The following DYNC1H1 variants were observed in gnomAD, a reference collection of about 807,000 sequenced individuals.
DYNC1H1 encodes cytoplasmic dynein 1 heavy chain 1.
Under a neutral mutation model 527.1 loss-of-function variants are expected in DYNC1H1, and 51 were observed. The observed-to-expected ratio is 0.10, with a 90% CI of 0.08 to 0.12. DYNC1H1 has a LOEUF of 0.12. Ranked by LOEUF, DYNC1H1 falls within the 10% of genes least tolerant of loss-of-function variation. The probability of loss-of-function intolerance (pLI) is 1.00; values close to 1 mark genes in which losing one functional copy is unlikely to be tolerated. For synonymous variants in DYNC1H1, 2,189 were observed against 2,278.8 expected (o/e 0.96, Z 1.12); for missense variants, 2,771 against 5,971.8 (o/e 0.46, Z 17.66).
At chr14:102,031,533 AT>A (rs1433503061) in intron 51 of DYNC1H1, among the ~76,000 whole-genome samples, 3 of 152,212 alleles carry the variant, frequency 2.0e-5, no homozygotes, top group Non-Finnish European at 4.4e-5. Flanking sequence ...CCTGGCAGCC[AT>A]TGTTTTAGAA....
chr14:101,983,513 C>G lies in DYNC1H1; in HGVS notation c.1365C>G (p.Ala455=). ...AGATGGTGTGGCGTATCAACCCTGC[C>G]CACAGGAAGCTGCAGGCCCGCCTTG... ...NLKMVWRINP[A]HRKLQARLDQ... The change falls in exon 7 of 78, where the codon GCC becomes GCG. Residue 455 remains alanine, a synonymous_variant. Coordinates refer to ENST00000360184, the MANE Select transcript of DYNC1H1 (RefSeq NM_001376.5). This position sits in a 1 kb window ranked among gnomAD's most constrained non-coding sequence, Gnocchi z 5.3. The G allele has an allele frequency of 6.2e-7, 1 of 1,614,106 alleles. No individual in the cohort carries two copies. The highest frequency in any genetic ancestry group is 8.5e-7 in the Non-Finnish European group (1 of 1,180,030).
rs2047963434 is a variant in DYNC1H1, at chr14:101,988,695, G to T, written c.2719-8G>T. On this transcript the variant is annotated splice_region_variant and splice_polypyrimidine_tract_variant and intron_variant, in intron 9 of 77. Transcript: ENST00000360184. ...AAACACTGTTCTCTGATATAACGTT[G>T]TCTGTAGATTGAAAGAATATTGGGC... is the stretch of plus-strand genomic sequence containing the variant. 1.2e-6 allele frequency: 2 copies of T among 1,613,990 alleles called. No homozygotes were observed. The highest frequency in any genetic ancestry group is 1.7e-6 in the Non-Finnish European group (2 of 1,180,018).
chr14:102,010,840 A>C lies in DYNC1H1; in HGVS notation c.6506A>C (p.Gln2169Pro), dbSNP rs780851039. ...SLLSDVFPGVQYHRGEMTALR... is the reference protein window; with the variant it reads ...SLLSDVFPGVPYHRGEMTALR... Reference sequence around the variant, plus strand: ...CTGTCGGACGTGTTCCCTGGAGTCCAGTATCACAGGGGTGAGATGACTGCC... The same window carrying C: ...CTGTCGGACGTGTTCCCTGGAGTCCCGTATCACAGGGGTGAGATGACTGCC... The change falls in exon 32 of 78, where the codon CAG becomes CCG. Residue 2169 changes from glutamine (Q) to proline (P), a missense_variant. Around this residue, in one of 32 missense-constraint regions of DYNC1H1, gnomAD observed 56 missense variants for 140.6 expected, o/e 0.40. Coordinates refer to ENST00000360184, the MANE Select transcript of DYNC1H1 (RefSeq NM_001376.5). The surrounding 1 kb of genome is among the most constrained non-coding windows in gnomAD (Gnocchi z 6.0). 19 of 1,614,260 alleles carry C rather than the reference A, an allele frequency of 1.2e-5. No homozygotes were observed. Among genetic ancestry groups the C allele is most frequent in the South Asian group, 2.2e-5 (2 of 91,088 alleles).
At chr14:102,030,452 T>G (rs112326947) in intron 51 of DYNC1H1, 170 bp downstream of exon 51, 1 of 978,870 alleles carries the variant, frequency 1.0e-6, no homozygotes, top group African/African-American at 1.6e-5. Flanking sequence ...GAGATTGTCT[T>G]CATCTCTCAA....
rs17541006 is a variant in DYNC1H1 at position 102,002,460 on chromosome 14, C to A, written c.4543-77C>A. The A allele has an allele frequency of 1.9e-6, 3 of 1,578,380 alleles. No individual in the cohort carries two copies. In the African/African-American group the frequency reaches 4.0e-5, roughly 21 times the overall value. On this transcript the variant is annotated intron_variant, in intron 21 of 77. Coordinates refer to ENST00000360184, the MANE Select transcript of DYNC1H1 (RefSeq NM_001376.5). This position sits in a 1 kb window ranked among gnomAD's most constrained non-coding sequence, Gnocchi z 4.4. ...GATTACTTCATGAGATCCTGATCTGCGCTTTTTCAGTGAGTTTTGGCATAT... is the reference window on the plus strand; with the variant it reads ...GATTACTTCATGAGATCCTGATCTGAGCTTTTTCAGTGAGTTTTGGCATAT...
At chr14:101,982,640 C>T (rs538563864) in intron 5 of DYNC1H1, among the ~76,000 whole-genome samples, 1 of 151,932 alleles carries the variant, frequency 6.6e-6, no homozygotes, top group South Asian at 2.1e-4. Context: ...GTAATGTGCT[C>T]GAATCACCTA....
chr14:102,025,520 C>T (rs2048438784), intron 43 of DYNC1H1, among the ~76,000 whole-genome samples: 1 of 147,580 alleles, frequency 6.8e-6, no homozygotes, highest in Non-Finnish European at 1.5e-5. Context: ...TGAGATCAGG[C>T]CACTGCACTC....
rs1254176647 is a variant in DYNC1H1 at position 102,016,319 on chromosome 14, A to T, written c.7474-30A>T. On this transcript the variant is annotated intron_variant, in intron 36 of 77. Transcript: ENST00000360184. The surrounding 1 kb of genome is among the most constrained non-coding windows in gnomAD (Gnocchi z 7.3). The stretch of plus-strand genomic sequence containing the variant: ...TTTCTTTTGTTGTTGAAATTTTATA[A>T]AAATCAAAGTTTAATTCCCTTTTTA... 1 of 1,613,754 alleles carries T rather than the reference A, an allele frequency of 6.2e-7. No individual in the cohort carries two copies. The highest frequency in any genetic ancestry group is 8.5e-7 in the Non-Finnish European group (1 of 1,179,884).
Position 102,018,599 on chromosome 14 carries a change from T to A in DYNC1H1, c.8326T>A (p.Phe2776Ile), listed in dbSNP as rs748320904. ...GCCGCTCACTGCTGCCATGGTGGAG[T>A]TCTACACCATGTCTCAGGTACGCAG... ...AEPLTAAMVE[F>I]YTMSQERFTQ... The change falls in exon 41 of 78, where the codon TTC becomes ATC. Residue 2776 changes from phenylalanine to isoleucine, a missense_variant. Physicochemically the swap from Phe to Ile is conservative, Grantham distance 21 (BLOSUM62 0). This residue lies in a region of DYNC1H1 where 163 missense variants were observed against 346.9 expected (regional missense o/e 0.47). Coordinates refer to ENST00000360184, the MANE Select transcript of DYNC1H1 (RefSeq NM_001376.5). The surrounding 1 kb of genome is among the most constrained non-coding windows in gnomAD (Gnocchi z 5.2). 8 of 1,610,838 alleles carry A rather than the reference T, an allele frequency of 5.0e-6. No homozygotes were observed. Among genetic ancestry groups the A allele is most frequent in the Non-Finnish European group, 6.8e-6 (8 of 1,178,790 alleles).
rs374578144 is a variant in DYNC1H1, at chr14:102,048,527, C to T, written c.13230C>T (p.Phe4410=). 29 of 1,614,180 alleles carry T rather than the reference C, an allele frequency of 1.8e-5. No individual in the cohort carries two copies. The African/African-American group carries it at 2.9e-4, about 16-fold the overall frequency. The change falls in exon 74 of 78, where the codon TTC becomes TTT. Residue 4410 remains phenylalanine (F), a synonymous_variant. Transcript: ENST00000360184. ...RTVENIKDPL[F]RFFEREVKMG... is the part of the protein sequence containing the mutation. ...TTGAACGATTTTAGGATCCTTTGTT[C>T]AGGTTCTTTGAGAGAGAAGTGAAGA...
Position 102,020,649 on chromosome 14 carries a change from T to G in DYNC1H1, c.8507+593T>G, listed in dbSNP as rs1272414991. Among the ~76,000 whole-genome samples the G allele has an allele frequency of 6.6e-6, 1 of 152,228 alleles. No individual in the cohort carries two copies. Among genetic ancestry groups the G allele is most frequent in the African/African-American group, 2.4e-5 (1 of 41,462 alleles). ...CTTGTAAGTTTTGAGTTTTTCTAGT[T>G]AAGTGACCAATACTTAAGGGAAAAA... On this transcript the variant is annotated intron_variant, in intron 42 of 77. Coordinates refer to ENST00000360184, the MANE Select transcript of DYNC1H1 (RefSeq NM_001376.5). The surrounding 1 kb of genome is among the most constrained non-coding windows in gnomAD (Gnocchi z 4.3).
chr14:102,040,371 C>T lies in DYNC1H1; in HGVS notation c.11826C>T (p.Pro3942=), dbSNP rs372407438. 21 of 1,614,072 alleles carry T rather than the reference C, an allele frequency of 1.3e-5. No individual in the cohort carries two copies. The highest frequency in any genetic ancestry group is 9.3e-5 in the African/African-American group (7 of 74,920). The change falls in exon 63 of 78, where the codon CCC becomes CCT. Residue 3942 remains proline, a synonymous_variant. Transcript: ENST00000360184. ...AEAVVRLSCL[P]AFKDLIAKVQ... is the part of the protein sequence containing the mutation. Reference sequence around the variant, plus strand: ...CGGTGGTGAGGCTGAGCTGCCTTCCCGCGTTTAAGGACTTGATTGCAAAGG... The same window carrying T: ...CGGTGGTGAGGCTGAGCTGCCTTCCTGCGTTTAAGGACTTGATTGCAAAGG...
Position 102,039,666 on chromosome 14 carries a change from T to C in DYNC1H1, c.11624T>C (p.Met3875Thr). 6.2e-7 allele frequency: 1 copy of C among 1,614,184 alleles called. No individual in the cohort carries two copies. ...QVAFNRVARG[M>T]LHQDHITFAM... is the part of the protein sequence containing the mutation. ...GCGTTTAACCGAGTGGCTCGAGGCA[T>C]GCTGCATCAGGACCACATTACCTTT... The change falls in exon 62 of 78, where the codon ATG becomes ACG. Residue 3875 changes from methionine (M) to threonine (T), a missense_variant. Coordinates refer to ENST00000360184, the MANE Select transcript of DYNC1H1 (RefSeq NM_001376.5). The surrounding 1 kb of genome is among the most constrained non-coding windows in gnomAD (Gnocchi z 7.0).
rs948486939 is a variant in DYNC1H1, at chr14:101,986,820, G to A, written c.2538+57G>A. 18 of 1,595,524 alleles carry A rather than the reference G, an allele frequency of 1.1e-5. No homozygotes were observed. The African/African-American group carries it at 1.2e-4, about 11-fold the overall frequency. Reference sequence around the variant, plus strand: ...GTAACGAATGAAGCACAGTAATAGCGAGCTCAGTTAAAACACTAGTTCTCC... The same window carrying A: ...GTAACGAATGAAGCACAGTAATAGCAAGCTCAGTTAAAACACTAGTTCTCC... On this transcript the variant is annotated intron_variant, in intron 8 of 77. Coordinates refer to ENST00000360184, the MANE Select transcript of DYNC1H1 (RefSeq NM_001376.5). The surrounding 1 kb of genome is among the most constrained non-coding windows in gnomAD (Gnocchi z 8.7).
chr14:102,010,126 T>C lies in DYNC1H1; in HGVS notation c.6221+40T>C, dbSNP rs2048241326. The C allele has an allele frequency of 6.2e-7, 1 of 1,613,396 alleles. No homozygotes were observed. The highest frequency in any genetic ancestry group is 1.7e-5 in the Admixed American group (1 of 60,032). Reference sequence around the variant, plus strand: ...ATTCTTCATAATCATGTTTCTTGCATATGTTAAATGTGTCCATTTAACCTT... The same window carrying C: ...ATTCTTCATAATCATGTTTCTTGCACATGTTAAATGTGTCCATTTAACCTT... On this transcript the variant is annotated intron_variant, in intron 30 of 77. Transcript: ENST00000360184. The surrounding 1 kb of genome is among the most constrained non-coding windows in gnomAD (Gnocchi z 6.0).
rs769716075 is a variant in DYNC1H1 at position 101,994,242 on chromosome 14, G to A, written c.3074G>A (p.Arg1025Gln). Residue 1025 changes from arginine (R) to glutamine (Q), a missense_variant, in exon 12 of 78, where the codon CGG becomes CAG. Physicochemically the swap from Arg to Gln is conservative, Grantham distance 43 (BLOSUM62 1). Transcript: ENST00000360184. The part of the protein sequence containing the change: ...EEKFYRNALT[R>Q]MPDGPVALEE... ...AAATTCTATCGGAATGCTTTAACAC[G>A]GATGCCTGATGGCCCTGTTGCCCTG... 8.1e-6 allele frequency: 13 copies of A among 1,614,036 alleles called. No homozygotes were observed. Among genetic ancestry groups the A allele is most frequent in the African/African-American group, 1.3e-5 (1 of 74,924 alleles).
Position 101,964,857 on chromosome 14 carries a change from C to G in DYNC1H1, c.166C>G (p.Leu56Val). The G allele has an allele frequency of 6.3e-7, 1 of 1,598,422 alleles. No individual in the cohort carries two copies. The highest frequency in any genetic ancestry group is 8.5e-7 in the Non-Finnish European group (1 of 1,173,390). Residue 56 changes from leucine (L) to valine (V), a missense_variant, in exon 1 of 78, where the codon CTG becomes GTG. Leu to Val is a conservative substitution (Grantham distance 32). Around this residue, in one of 32 missense-constraint regions of DYNC1H1, gnomAD observed 101 missense variants for 105.3 expected, o/e 0.96. Coordinates refer to ENST00000360184, the MANE Select transcript of DYNC1H1 (RefSeq NM_001376.5). The surrounding 1 kb of genome is among the most constrained non-coding windows in gnomAD (Gnocchi z 5.5). Reference protein sequence around the residue: ...GEAPAALEAALEEKSALEQMR... With the variant: ...GEAPAALEAAVEEKSALEQMR... ...GGCGCCGGCCGCGCTGGAGGCGGCGCTGGAGGAGAAGAGCGCCCTGGAGCA... is the reference window on the plus strand; with the variant it reads ...GGCGCCGGCCGCGCTGGAGGCGGCGGTGGAGGAGAAGAGCGCCCTGGAGCA...
chr14:102,039,750 C>T lies in DYNC1H1; in HGVS notation c.11690+18C>T, dbSNP rs1271578647. The T allele has an allele frequency of 2.5e-6, 4 of 1,613,850 alleles. No individual in the cohort carries two copies. Among genetic ancestry groups the T allele is most frequent in the South Asian group, 2.2e-5 (2 of 91,048 alleles). On this transcript the variant is annotated intron_variant, in intron 62 of 77. Coordinates refer to ENST00000360184, the MANE Select transcript of DYNC1H1 (RefSeq NM_001376.5). This position sits in a 1 kb window ranked among gnomAD's most constrained non-coding sequence, Gnocchi z 7.0. ...ACCGTGGGGTAAGAGCACTCACGCC[C>T]ACAGGAGGATGCCATATTGCTGGTG... is the stretch of plus-strand genomic sequence containing the variant.
intron 1 of DYNC1H1, among the ~76,000 whole-genome samples, chr14:101,968,664 C>T (rs1217101686): frequency 6.6e-6 from 1 of 151,964 alleles, no homozygotes; most frequent in Non-Finnish European, 1.5e-5. Flanking sequence ...CGGTCTCAAG[C>T]GATCCACCCA....
Sources: allele counts gnomAD v4.1 joint callset (sites outside exome capture counted in the v4.1 genomes callset), GRCh38; gene constraint gnomAD v4.1.1; regional missense constraint gnomAD v4.1.1; non-coding constraint Gnocchi (gnomAD v3.1); transcripts MANE v1.5; gene names NCBI Gene and HGNC (gene_info 2026-07-23, HGNC 2026-07-21).